ADAMTS3: variants seen among roughly 807,000 people sequenced by gnomAD.
ADAMTS3 encodes the protein ADAM metallopeptidase with thrombospondin type 1 motif 3, also known as A disintegrin and metalloproteinase with thrombospondin motifs 3.
A neutral mutation model predicts 129.0 loss-of-function variants in ADAMTS3; 73 were observed. The observed-to-expected ratio is 0.57, with a 90% CI of 0.47 to 0.69. The LOEUF is 0.69. Ranked by LOEUF, ADAMTS3 falls within the 30% of genes least tolerant of loss-of-function variation. ADAMTS3 has a pLI of 0.00. For synonymous variants in ADAMTS3, 477 were observed against 510.8 expected (o/e 0.93, Z 0.89); for missense variants, 1,457 against 1,514.5 (o/e 0.96, Z 0.63).
intron 3 of ADAMTS3, among the ~76,000 whole-genome samples, chr4:72,514,356 C>G (rs1270329582): frequency 6.6e-6 from 1 of 152,094 alleles, no homozygotes; most frequent in Non-Finnish European, 1.5e-5. Context: ...TAGATGCTCA[C>G]CTTTGTTTGC....
intron 3 of ADAMTS3, among the ~76,000 whole-genome samples, chr4:72,419,279 T>C (rs549174766): frequency 3.3e-5 from 5 of 152,206 alleles, no homozygotes; most frequent in Non-Finnish European, 5.9e-5. Context: ...GGCACATATA[T>C]CTAGCTTAGC....
rs529188663 is a variant in ADAMTS3, at chr4:72,556,124, CAGGA to C, written c.98-7244_98-7241del. ...TAATACATAGCCTTAGTGTATATTA[CAGGA>C]AGGAAGGAAGGAAGGAGAGGGAGGG... On this transcript the variant is annotated intron_variant, in intron 2 of 21. Transcript: ENST00000286657. 4.0e-5 allele frequency among the ~76,000 whole-genome samples: 6 copies of C among 151,442 alleles called. No homozygotes were observed. In the East Asian group the frequency reaches 9.7e-4, roughly 25 times the overall value.
rs1171664755 is a variant in ADAMTS3 at position 72,568,855 on chromosome 4, A to C, written c.-93T>G. 1.0e-6 allele frequency: 1 copy of C among 976,268 alleles called. No individual in the cohort carries two copies. Among genetic ancestry groups the C allele is most frequent in the African/African-American group, 1.7e-5 (1 of 59,704 alleles). The allele number at this position is 976,268 out of a possible 1,614,324, so 60.5% of individuals were successfully genotyped here. The stretch of plus-strand genomic sequence containing the variant: ...CCAAAATAAGTTTCTTTAAGAAAAA[A>C]AGGAAAAGGGAAAAAATGCGAAATA... On this transcript the variant is annotated 5_prime_UTR_variant, in exon 1 of 22. Coordinates refer to ENST00000286657, the MANE Select transcript of ADAMTS3 (RefSeq NM_014243.3).
At chr4:72,505,035 G>A (rs898110527) in intron 3 of ADAMTS3, among the ~76,000 whole-genome samples, 1 of 151,970 alleles carries the variant, frequency 6.6e-6, no homozygotes, top group Non-Finnish European at 1.5e-5. Flanking sequence ...TGCAATCCAC[G>A]TTTTACATTC....
rs1365007868 is a variant in ADAMTS3, at chr4:72,459,112, T to G, written c.505-44141A>C. Among the ~76,000 whole-genome samples the G allele has an allele frequency of 2.0e-5, 3 of 151,620 alleles. No individual in the cohort carries two copies. The East Asian group carries it at 5.8e-4, about 29-fold the overall frequency. ...AAATATTAGATAAAGATATCAGAAA[T>G]GTTTGGGGCCATAATCAAGTTTATT... On this transcript the variant is annotated intron_variant, in intron 3 of 21. Coordinates refer to ENST00000286657, the MANE Select transcript of ADAMTS3 (RefSeq NM_014243.3).
At chr4:72,347,280 C>G (rs1720312416) in intron 4 of ADAMTS3, among the ~76,000 whole-genome samples, 1 of 140,142 alleles carries the variant, frequency 7.1e-6, no homozygotes, top group Non-Finnish European at 1.6e-5. Context: ...TATTTTACTG[C>G]TTTTTTTTTT....
chr4:72,483,279 G>A (rs1247462345), intron 3 of ADAMTS3, among the ~76,000 whole-genome samples: 1 of 152,086 alleles, frequency 6.6e-6, no homozygotes, highest in Admixed American at 6.5e-5. Context: ...AAACTACAAA[G>A]CCACAGGATG....
chr4:72,509,800 G>A (rs1374603803), intron 3 of ADAMTS3, among the ~76,000 whole-genome samples: 1 of 99,142 alleles, frequency 1.0e-5, no homozygotes, highest in East Asian at 3.0e-4. Context: ...ACCAGACAAA[G>A]ACACATTAAA....
chr4:72,286,573 G>A (rs764978460), intron 21 of ADAMTS3, among the ~76,000 whole-genome samples: 1 of 152,170 alleles, frequency 6.6e-6, no homozygotes, highest in Non-Finnish European at 1.5e-5. Context: ...TTGACAAAAA[G>A]CACCATTCAG....
rs564840328 is a variant in ADAMTS3 at position 72,297,261 on chromosome 4, T to G, written c.2590+1016A>C. 3.9e-5 allele frequency among the ~76,000 whole-genome samples: 6 copies of G among 152,180 alleles called. No homozygotes were observed. In the South Asian group the frequency reaches 1.2e-3, roughly 32 times the overall value. On this transcript the variant is annotated intron_variant, in intron 18 of 21. Transcript: ENST00000286657. Reference sequence around the variant, plus strand: ...GAAGAAGGAATAGATGTGGTAGATATGAAGAAGGTATATCTGACAAATATT... The same window carrying G: ...GAAGAAGGAATAGATGTGGTAGATAGGAAGAAGGTATATCTGACAAATATT...
chr4:72,468,232 T>C (rs190482149), intron 3 of ADAMTS3, among the ~76,000 whole-genome samples: 217 of 152,192 alleles, frequency 1.4e-3, no homozygotes, highest in Admixed American at 3.4e-3. Context: ...ATGTAATATA[T>C]AGTGTAAGAA....
chr4:72,388,906 C>T (rs1721513356), intron 4 of ADAMTS3, among the ~76,000 whole-genome samples: 1 of 152,204 alleles, frequency 6.6e-6, no homozygotes, highest in Admixed American at 6.5e-5. Flanking sequence ...ACAGAACACA[C>T]CTAATTCCTC....
intron 4 of ADAMTS3, among the ~76,000 whole-genome samples, chr4:72,371,424 C>A (rs1200763595): frequency 6.9e-6 from 1 of 144,770 alleles, no homozygotes; most frequent in Non-Finnish European, 1.5e-5. Context: ...AGAAAATGCA[C>A]CAAGCTGACA....
chr4:72,487,897 T>C (rs1010033999), intron 3 of ADAMTS3, among the ~76,000 whole-genome samples: 2 of 152,060 alleles, frequency 1.3e-5, no homozygotes, highest in Non-Finnish European at 2.9e-5. Context: ...TTTATAAGGC[T>C]TGACTTAAGA....
At chr4:72,410,141 AG>A (rs1398018176) in intron 4 of ADAMTS3, among the ~76,000 whole-genome samples, 1 of 152,148 alleles carries the variant, frequency 6.6e-6, no homozygotes, top group Non-Finnish European at 1.5e-5. Flanking sequence ...CAAATACAGC[AG>A]GTTAGAGTAT....
intron 4 of ADAMTS3, among the ~76,000 whole-genome samples, chr4:72,354,137 G>A (rs913344358): frequency 6.6e-6 from 1 of 151,988 alleles, no homozygotes; most frequent in Non-Finnish European, 1.5e-5. Flanking sequence ...GTGCTTCCAA[G>A]TAACATATTA....
intron 3 of ADAMTS3, among the ~76,000 whole-genome samples, chr4:72,420,296 T>C (rs1722410022): frequency 6.6e-6 from 1 of 152,180 alleles, no homozygotes; most frequent in Non-Finnish European, 1.5e-5. Context: ...CCAGCCATGA[T>C]GGGCTCCTTG....
rs982385 is a variant in ADAMTS3 at position 72,433,897 on chromosome 4, C to A, written c.505-18926G>T. Among the ~76,000 whole-genome samples the A allele has an allele frequency of 2.8e-4, 43 of 151,696 alleles. 1 individual carries two copies. The South Asian group carries it at 5.4e-3, about 19-fold the overall frequency. On this transcript the variant is annotated intron_variant, in intron 3 of 21. Transcript: ENST00000286657. ...TGTGAGTTGGAATTAGAAAAAAAAA[C>A]TTTCAACAACAAAGTATATATTTTA...
intron 4 of ADAMTS3, among the ~76,000 whole-genome samples, chr4:72,404,411 A>C (rs1722000813): frequency 6.6e-6 from 1 of 152,112 alleles, no homozygotes; most frequent in African/African-American, 2.4e-5. Context: ...TGGGGAAAGG[A>C]GAGTCTCCTC....
Sources: gnomAD v4.1 joint callset for allele counts (sites outside exome capture counted in the v4.1 genomes callset) on GRCh38, gnomAD v4.1.1 for gene constraint, MANE v1.5 for transcripts, NCBI Gene and HGNC (gene_info 2026-07-23, HGNC 2026-07-21) for gene names.